UNC5C: variants seen among roughly 807,000 people sequenced by gnomAD.
UNC5C encodes the protein netrin receptor UNC5C.
A neutral mutation model predicts 99.8 loss-of-function variants in UNC5C; 47 were observed. That is an observed-to-expected ratio of 0.47 (90% CI 0.37 to 0.60). The LOEUF (loss-of-function observed/expected upper bound fraction) is 0.60, where lower values mean the gene tolerates loss of function less well. UNC5C is among the 20% of genes least tolerant of loss of function. UNC5C has a pLI of 0.00. For synonymous variants in UNC5C, 487 were observed against 452.2 expected (o/e 1.08, Z -0.98); for missense variants, 1,062 against 1,165.9 (o/e 0.91, Z 1.30).
chr4:95,544,598 A>T (rs377200293), intron 1 of UNC5C, among the ~76,000 whole-genome samples: 52 of 152,318 alleles, frequency 3.4e-4, no homozygotes, highest in Non-Finnish European at 6.0e-4. Flanking sequence ...GCCTGGTTAC[A>T]TTCCGTTTCT....
At position 95,469,326 on chromosome 4, in the gene UNC5C, T is replaced by C. The variant is rs994679063; in HGVS notation, c.124+79408A>G. Among the ~76,000 whole-genome samples the C allele has an allele frequency of 4.6e-4, 70 of 152,290 alleles. 1 individual carries two copies. Among genetic ancestry groups the C allele is most frequent in the East Asian group, 5.8e-4 (3 of 5,174 alleles). On this transcript the variant is annotated intron_variant, in intron 1 of 15. Coordinates refer to ENST00000453304, the MANE Select transcript of UNC5C (RefSeq NM_003728.4). ...GACATTTAAAATCTTTCTAAAATTATCGAACCATCCTTTGCTGGTATTAAA... is the reference window on the plus strand; with the variant it reads ...GACATTTAAAATCTTTCTAAAATTACCGAACCATCCTTTGCTGGTATTAAA...
At chr4:95,372,826 G>T (rs1744786221) in intron 1 of UNC5C, among the ~76,000 whole-genome samples, 1 of 152,260 alleles carries the variant, frequency 6.6e-6, no homozygotes, top group Admixed American at 6.5e-5. Flanking sequence ...AGTGCTCAGA[G>T]GATGCACAAA....
At chr4:95,262,004 C>T (rs945477262) in intron 4 of UNC5C, among the ~76,000 whole-genome samples, 4 of 152,192 alleles carry the variant, frequency 2.6e-5, no homozygotes, top group Non-Finnish European at 5.9e-5. Flanking sequence ...GCCCAGTCTG[C>T]ATTCCTTCTT....
intron 2 of UNC5C, 29 bp from the exon 3 acceptor site, chr4:95,301,778 C>A: frequency 6.2e-7 from 1 of 1,606,802 alleles, no homozygotes; most frequent in Non-Finnish European, 8.5e-7. Flanking sequence ...AGATTTAAGT[C>A]AACACAAGAT....
chr4:95,536,640 C>G (rs1722790115), intron 1 of UNC5C, among the ~76,000 whole-genome samples: 1 of 151,822 alleles, frequency 6.6e-6, no homozygotes, highest in African/African-American at 2.4e-5. Flanking sequence ...ATTCATTTCA[C>G]AATAGAATTA....
At position 95,497,123 on chromosome 4, in the gene UNC5C, T is replaced by C. The variant is rs536188569; in HGVS notation, c.124+51611A>G. On this transcript the variant is annotated intron_variant, in intron 1 of 15. Transcript: ENST00000453304. ...GTTCCATATCTTTGCAATTGCGAAT[T>C]GTGCTGCTATAAACATGCGTGTGCA... Among the ~76,000 whole-genome samples the C allele has an allele frequency of 2.6e-5, 4 of 152,066 alleles. No homozygotes were observed. In the East Asian group the frequency reaches 5.8e-4, roughly 22 times the overall value.
chr4:95,318,227 G>A lies in UNC5C; in HGVS notation c.347-16478C>T, dbSNP rs571375713. ...AGAGTCCTTGGAAGAGACACACAGA[G>A]AGGAAGACAGATGTGGAGGAGAAGG... On this transcript the variant is annotated intron_variant, in intron 2 of 15. Coordinates refer to ENST00000453304, the MANE Select transcript of UNC5C (RefSeq NM_003728.4). Among the ~76,000 whole-genome samples, 16 of 152,218 alleles carry A rather than the reference G, an allele frequency of 1.1e-4. 1 individual carries two copies. Among genetic ancestry groups the A allele is most frequent in the African/African-American group, 3.9e-4 (16 of 41,540 alleles).
At chr4:95,538,178 GA>G (rs1722827526) in intron 1 of UNC5C, among the ~76,000 whole-genome samples, 1 of 152,062 alleles carries the variant, frequency 6.6e-6, no homozygotes, top group African/African-American at 2.4e-5. Flanking sequence ...TAGTTTTAGG[GA>G]AAAAAATTAT....
intron 1 of UNC5C, among the ~76,000 whole-genome samples, chr4:95,514,143 A>G (rs1479695052): frequency 6.6e-6 from 1 of 152,198 alleles, no homozygotes; most frequent in Non-Finnish European, 1.5e-5. Context: ...TCCACAGAAC[A>G]TGTTCATACA....
intron 1 of UNC5C, among the ~76,000 whole-genome samples, chr4:95,475,523 A>G (rs1245969933): frequency 6.6e-6 from 1 of 151,338 alleles, no homozygotes; most frequent in Non-Finnish European, 1.5e-5. Context: ...GTCAGGAGAG[A>G]AAGACAGACA....
chr4:95,442,501 C>G (rs1410040243), intron 1 of UNC5C, among the ~76,000 whole-genome samples: 1 of 150,984 alleles, frequency 6.6e-6, no homozygotes, highest in South Asian at 2.1e-4. Context: ...ACCCATCAAG[C>G]CCGCCTGTTT....
At chr4:95,492,371 A>G (rs1463193501) in intron 1 of UNC5C, among the ~76,000 whole-genome samples, 1 of 151,338 alleles carries the variant, frequency 6.6e-6, no homozygotes, top group Non-Finnish European at 1.5e-5. Context: ...CAATTTTTGA[A>G]TATGTTTCTG....
intron 2 of UNC5C, among the ~76,000 whole-genome samples, chr4:95,302,117 G>T (rs1477438763): frequency 6.6e-6 from 1 of 152,040 alleles, no homozygotes; most frequent in African/African-American, 2.4e-5. Flanking sequence ...ATAGTTGTGG[G>T]TAAAATAAAC....
At chr4:95,228,003 C>A (rs897465580) in intron 7 of UNC5C, among the ~76,000 whole-genome samples, 1 of 152,106 alleles carries the variant, frequency 6.6e-6, no homozygotes, top group Non-Finnish European at 1.5e-5. Flanking sequence ...TGTAAAAGAT[C>A]AGAGCCCATG....
At chr4:95,405,695 G>T (rs1385092661) in intron 1 of UNC5C, among the ~76,000 whole-genome samples, 1 of 152,178 alleles carries the variant, frequency 6.6e-6, no homozygotes, top group Non-Finnish European at 1.5e-5. Context: ...AACTGCCCAG[G>T]TCATATATTT....
intron 1 of UNC5C, among the ~76,000 whole-genome samples, chr4:95,408,061 C>T (rs1281667733): frequency 6.6e-6 from 1 of 152,102 alleles, no homozygotes; most frequent in Non-Finnish European, 1.5e-5. Flanking sequence ...ATATATTACA[C>T]ATTTACTTAA....
At chr4:95,480,200 T>C (rs1430821780) in intron 1 of UNC5C, among the ~76,000 whole-genome samples, 1 of 150,258 alleles carries the variant, frequency 6.7e-6, no homozygotes, top group Non-Finnish European at 1.5e-5. Flanking sequence ...TGTACATATA[T>C]ATGTATACAC....
At chr4:95,481,183 A>G (rs1195314065) in intron 1 of UNC5C, among the ~76,000 whole-genome samples, 12 of 151,900 alleles carry the variant, frequency 7.9e-5, no homozygotes, top group Admixed American at 2.0e-4. Context: ...AAATCAATGT[A>G]CAAAAATCAC....
intron 2 of UNC5C, among the ~76,000 whole-genome samples, chr4:95,316,669 C>G (rs535777059): frequency 2.0e-5 from 3 of 152,280 alleles, no homozygotes; most frequent in Non-Finnish European, 4.4e-5. Flanking sequence ...ACAGTTTTCA[C>G]AATCCCTTTT....
Sources: gnomAD v4.1 joint callset for allele counts (sites outside exome capture counted in the v4.1 genomes callset) on GRCh38, gnomAD v4.1.1 for gene constraint, MANE v1.5 for transcripts, NCBI Gene and HGNC (gene_info 2026-07-23, HGNC 2026-07-21) for gene names.